The following FGFR4 variants were observed in gnomAD, a reference collection of about 807,000 sequenced individuals.
The protein encoded by FGFR4 is fibroblast growth factor receptor 4.
FGFR4 carries 63 observed loss-of-function variants against 89.9 expected under a neutral mutation model. That is an observed-to-expected ratio of 0.70 (90% CI 0.57 to 0.86). The LOEUF (loss-of-function observed/expected upper bound fraction) is 0.86. Among genes scored for constraint, FGFR4 ranks in the 40% least tolerant of loss-of-function variants. The pLI, the probability that FGFR4 is intolerant of heterozygous loss-of-function variation, is 0.00. For missense variants in FGFR4, 928 were observed against 1,106.7 expected (o/e 0.84, Z 2.29); for synonymous variants, 486 against 479.4 (o/e 1.01, Z -0.18).
intron 5 of FGFR4, 24 bp downstream of exon 5, chr5:177,091,128 G>A (rs770153156): frequency 4.3e-5 from 66 of 1,524,316 alleles, no homozygotes; most frequent in Admixed American, 1.2e-4. Context: ...TTCCAAGACC[G>A]TCTGCTCCCC....
intron 1 of FGFR4, among the ~76,000 whole-genome samples, chr5:177,089,008 G>C (rs1376326799): frequency 1.3e-5 from 2 of 152,160 alleles, no homozygotes; most frequent in African/African-American, 4.8e-5. Flanking sequence ...ATAACAAGCA[G>C]AGGTATCCAG....
At chr5:177,091,642 G>A (rs760632258) in intron 5 of FGFR4, 43 bp from the exon 6 acceptor site, 3 of 1,609,086 alleles carry the variant, frequency 1.9e-6, no homozygotes, top group Admixed American at 1.7e-5. Context: ...GGCCCCCTTG[G>A]TGGACATGGT....
At chr5:177,096,510 A>G in intron 15 of FGFR4, 94 bp from the exon 16 acceptor site, 1 of 1,540,012 alleles carries the variant, frequency 6.5e-7, no homozygotes, top group Admixed American at 1.8e-5. Flanking sequence ...CCATTCCCCA[A>G]CAGCTGTGGT....
At chr5:177,092,543 C>T (rs752307527) in intron 7 of FGFR4, 32 bp downstream of exon 7, 2 of 1,562,614 alleles carry the variant, frequency 1.3e-6, no homozygotes, top group Non-Finnish European at 1.7e-6. Context: ...AGCCTGGGCC[C>T]CATTCTTCTC....
rs577477334 is a variant in FGFR4 at position 177,092,103 on chromosome 5, G to C, written c.728-218G>C. On this transcript the variant is annotated intron_variant, in intron 6 of 17. Transcript: ENST00000292408. ...ATTCGTAGGGCGTGGCGTTTATATG[G>C]GGAGCCAGGTGGTGGAGGGTTTTGA... Among the ~76,000 whole-genome samples, 15 of 152,346 alleles carry C rather than the reference G, an allele frequency of 9.8e-5. 1 individual carries two copies. The South Asian group carries it at 2.5e-3, about 25-fold the overall frequency.
intron 15 of FGFR4, 74 bp from the exon 16 acceptor site, chr5:177,096,530 C>T: frequency 6.3e-7 from 1 of 1,583,042 alleles, no homozygotes; most frequent in East Asian, 2.2e-5. Context: ...TGGGTCATGT[C>T]TGTGGGGTCC....
At chr5:177,089,403 GTT>G in intron 1 of FGFR4, 145 bp from the exon 2 acceptor site, 1 of 887,754 alleles carries the variant, frequency 1.1e-6, no homozygotes, top group Non-Finnish European at 1.7e-6. Context: ...TACAGAGCTG[GTT>G]CCAGTCTGCA....
In FGFR4 at chr5:177,090,057, G is replaced by T. The variant is rs351856; in HGVS notation, c.92-333G>T. 3.0e-5 allele frequency: 20 copies of T among 664,702 alleles called. No individual in the cohort carries two copies. In the African/African-American group the frequency reaches 3.2e-4, roughly 11 times the overall value. 41.2% of individuals were successfully genotyped at this position (664,702 alleles called of 1,614,324 possible). A position where few individuals can be genotyped will look rare whatever the true frequency, so the allele number is the denominator to read the frequency against. ...AAGCATTATGAGGGTGATATGCCCC[G>T]GTGCAGCATGACCCTGTATGTGGCA... On this transcript the variant is annotated intron_variant, in intron 2 of 17. Coordinates refer to ENST00000292408, the MANE Select transcript of FGFR4 (RefSeq NM_213647.3).
Position 177,097,802 on chromosome 5 carries a change from C to A in FGFR4, c.*126C>A. ...TGGCCCAGAGTTGCTGTGCCGTGTC[C>A]AAGGGCCGTGCCCTTGCCCTTGGAG... On this transcript the variant is annotated 3_prime_UTR_variant, in exon 18 of 18. Coordinates refer to ENST00000292408, the MANE Select transcript of FGFR4 (RefSeq NM_213647.3). 8.1e-7 allele frequency: 1 copy of A among 1,234,730 alleles called. No individual in the cohort carries two copies. The highest frequency in any genetic ancestry group is 1.1e-6 in the Non-Finnish European group (1 of 907,024). 76.5% of individuals were successfully genotyped at this position (1,234,730 alleles called of 1,614,324 possible). A position where few individuals can be genotyped will look rare whatever the true frequency, so the allele number is the denominator to read the frequency against.
rs1784170390 is a variant in FGFR4, at chr5:177,087,054, G to C, written c.-77G>C. 6.6e-6 allele frequency: 1 copy of C among 151,894 alleles called. No individual in the cohort carries two copies. Among genetic ancestry groups the C allele is most frequent in the African/African-American group, 2.4e-5 (1 of 41,074 alleles). The allele number at this position is 151,894 out of a possible 1,614,324, so 9.4% of individuals were successfully genotyped here. A position where few individuals can be genotyped will look rare whatever the true frequency, so the allele number is the denominator to read the frequency against. ...GCCAGGTGAGCAGGACCCTGTGCTG[G>C]GCGCGGAGTCACGCAGGCTCGAGGT... On this transcript the variant is annotated 5_prime_UTR_variant, in exon 1 of 18. Coordinates refer to ENST00000292408, the MANE Select transcript of FGFR4 (RefSeq NM_213647.3). The surrounding 1 kb of genome is among the most constrained non-coding windows in gnomAD (Gnocchi z 6.1).
intron 6 of FGFR4, among the ~76,000 whole-genome samples, chr5:177,092,114 G>C (rs1272321736): frequency 6.6e-6 from 1 of 152,224 alleles, no homozygotes; most frequent in Non-Finnish European, 1.5e-5. Flanking sequence ...GGAGCCAGGT[G>C]GTGGAGGGTT....
intron 5 of FGFR4, 50 bp downstream of exon 5, chr5:177,091,154 A>G (rs773856157): frequency 6.7e-6 from 10 of 1,493,394 alleles, no homozygotes; most frequent in South Asian, 6.6e-5. Context: ...TCATTCCTTC[A>G]TCAGTCCCCT....
chr5:177,095,964 T>G lies in FGFR4; in HGVS notation c.1822-93T>G, dbSNP rs1198122724. ...TTGACCTCCTCCTCTGTAAAGTGGG[T>G]GGAGGGCCCCTGCCCCCGGGCCTGC... On this transcript the variant is annotated intron_variant, in intron 13 of 17. Transcript: ENST00000292408. The surrounding 1 kb of genome is among the most constrained non-coding windows in gnomAD (Gnocchi z 5.7). The G allele has an allele frequency of 6.7e-7, 1 of 1,500,200 alleles. No homozygotes were observed. The highest frequency in any genetic ancestry group is 1.4e-5 in the African/African-American group (1 of 72,058). The allele number at this position is 1,500,200 out of a possible 1,614,324, so 92.9% of individuals were successfully genotyped here.
chr5:177,097,510 A>G lies in FGFR4; in HGVS notation c.2260-17A>G, dbSNP rs373549463. 50 of 1,608,114 alleles carry G rather than the reference A, an allele frequency of 3.1e-5. 1 individual carries two copies. The highest frequency in any genetic ancestry group is 1.5e-4 in the South Asian group (14 of 90,438). ...ATCCCGGGCGCTGCAGAGGCTGACCAGCTCCGTTCCCCACAGTACCTCGAC... is the reference window on the plus strand; with the variant it reads ...ATCCCGGGCGCTGCAGAGGCTGACCGGCTCCGTTCCCCACAGTACCTCGAC... On this transcript the variant is annotated splice_polypyrimidine_tract_variant and intron_variant, in intron 17 of 17. Coordinates refer to ENST00000292408, the MANE Select transcript of FGFR4 (RefSeq NM_213647.3).
chr5:177,094,505 C>T (rs1784481594), intron 11 of FGFR4, among the ~76,000 whole-genome samples: 1 of 151,980 alleles, frequency 6.6e-6, no homozygotes, highest in South Asian at 2.1e-4. Flanking sequence ...TCCCCCCAGA[C>T]ACACCCTCAG....
chr5:177,095,927 C>T lies in FGFR4; in HGVS notation c.1822-130C>T, dbSNP rs528186664. 57 of 1,373,524 alleles carry T rather than the reference C, an allele frequency of 4.1e-5. No homozygotes were observed. The highest frequency in any genetic ancestry group is 2.7e-4 in the Middle Eastern group (1 of 3,766). 85.1% of individuals were successfully genotyped at this position (1,373,524 alleles called of 1,614,324 possible). On this transcript the variant is annotated intron_variant, in intron 13 of 17. Coordinates refer to ENST00000292408, the MANE Select transcript of FGFR4 (RefSeq NM_213647.3). This position sits in a 1 kb window ranked among gnomAD's most constrained non-coding sequence, Gnocchi z 5.7. ...AGGGGACGCAGGAGAAGGCACTCCC[C>T]GTTTCTAAACCTTGACCTCCTCCTC...
chr5:177,098,001 A>C lies in FGFR4; in HGVS notation c.*325A>C. ...CTGGGCCTCTGAACCCCCTTTCCCCACACCTCCCCCTGCTGCTGCTGCCCC... is the reference window on the plus strand; with the variant it reads ...CTGGGCCTCTGAACCCCCTTTCCCCCCACCTCCCCCTGCTGCTGCTGCCCC... On this transcript the variant is annotated 3_prime_UTR_variant, in exon 18 of 18. Coordinates refer to ENST00000292408, the MANE Select transcript of FGFR4 (RefSeq NM_213647.3). This position sits in a 1 kb window ranked among gnomAD's most constrained non-coding sequence, Gnocchi z 4.5. The C allele has an allele frequency of 3.4e-6, 1 of 290,818 alleles. No individual in the cohort carries two copies. The highest frequency in any genetic ancestry group is 6.4e-6 in the Non-Finnish European group (1 of 156,462). The allele number at this position is 290,818 out of a possible 1,614,324, so 18.0% of individuals were successfully genotyped here. A position where few individuals can be genotyped will look rare whatever the true frequency, so the allele number is the denominator to read the frequency against.
Position 177,089,611 on chromosome 5 carries a change from G to T in FGFR4, c.9G>T (p.Leu3=), listed in dbSNP as rs1784278395. 1.9e-6 allele frequency: 3 copies of T among 1,613,628 alleles called. No homozygotes were observed. The East Asian group carries it at 6.7e-5, about 36-fold the overall frequency. The change falls in exon 2 of 18, where the codon CTG becomes CTT. Residue 3 remains leucine (L), a synonymous_variant. Coordinates refer to ENST00000292408, the MANE Select transcript of FGFR4 (RefSeq NM_213647.3). The part of the protein sequence containing the change: MR[L]LLALLGVLLS... ...AGAGCTGTGAGAAGGAGATGCGGCTGCTGCTGGCCCTGTTGGGGGTCCTGC... is the reference window on the plus strand; with the variant it reads ...AGAGCTGTGAGAAGGAGATGCGGCTTCTGCTGGCCCTGTTGGGGGTCCTGC...
rs45506392 is a variant in FGFR4 at position 177,094,164 on chromosome 5, C to T, written c.1519+389C>T. Reference sequence around the variant, plus strand: ...GACTAATAGAAGGGGCTCACGGTGCCACCAGGTGAGCCCTGGAGCTGGGAG... The same window carrying T: ...GACTAATAGAAGGGGCTCACGGTGCTACCAGGTGAGCCCTGGAGCTGGGAG... On this transcript the variant is annotated intron_variant, in intron 11 of 17. Transcript: ENST00000292408. Among the ~76,000 whole-genome samples the T allele has an allele frequency of 2.2e-3, 338 of 152,250 alleles. 1 individual carries two copies. The highest frequency in any genetic ancestry group is 3.7e-3 in the Non-Finnish European group (253 of 68,014).
Sources: gnomAD v4.1 joint callset for allele counts (sites outside exome capture counted in the v4.1 genomes callset) on GRCh38, gnomAD v4.1.1 for gene constraint, Gnocchi (gnomAD v3.1) non-coding constraint, MANE v1.5 for transcripts, NCBI Gene and HGNC (gene_info 2026-07-23, HGNC 2026-07-21) for gene names.